The following EVC variants were observed in gnomAD, a reference collection of about 807,000 sequenced individuals.
EVC encodes EvC ciliary complex subunit 1.
In EVC, 116 loss-of-function variants were observed where a neutral mutation model predicts 118.9. The observed-to-expected ratio is 0.98, with a 90% CI of 0.84 to 1.14. The LOEUF (loss-of-function observed/expected upper bound fraction) is 1.14, where lower values mean the gene tolerates loss of function less well. EVC is among the 50% of genes most tolerant of loss of function. The probability of loss-of-function intolerance (pLI) is 0.00; values close to 1 mark genes in which losing one functional copy is unlikely to be tolerated. For synonymous variants in EVC, 619 were observed against 534.7 expected (o/e 1.16, Z -2.18); for missense variants, 1,401 against 1,246.4 (o/e 1.12, Z -1.87).
At chr4:5,741,197 A>G (rs1406584680) in intron 5 of EVC, among the ~76,000 whole-genome samples, 1 of 152,224 alleles carries the variant, frequency 6.6e-6, no homozygotes, top group Non-Finnish European at 1.5e-5. Context: ...TACAGGGGTG[A>G]ATAGATCAAC....
intron 7 of EVC, among the ~76,000 whole-genome samples, chr4:5,747,729 ATAAC>A (rs1560327904): frequency 6.6e-6 from 1 of 152,230 alleles, no homozygotes; most frequent in South Asian, 2.1e-4. Context: ...TTTTAGGACA[ATAAC>A]TAATATTTAA....
At chr4:5,770,156 A>C (rs1054920447) in intron 11 of EVC, among the ~76,000 whole-genome samples, 1 of 152,090 alleles carries the variant, frequency 6.6e-6, no homozygotes, top group Admixed American at 6.5e-5. Context: ...GTGACAAGGC[A>C]CACAGAGTGT....
At chr4:5,728,832 G>C (rs1034238258) in intron 2 of EVC, among the ~76,000 whole-genome samples, 3 of 152,170 alleles carry the variant, frequency 2.0e-5, no homozygotes, top group Non-Finnish European at 2.9e-5. Flanking sequence ...TTGTTAATTA[G>C]TCTTAAGTTA....
At chr4:5,821,655 C>T in the EVC span, 13 of 1,065,066 alleles carry the variant, frequency 1.2e-5, no homozygotes, top group East Asian at 2.6e-5. The surrounding 1 kb of genome is among the most constrained non-coding windows in gnomAD (Gnocchi z 4.4). Context: ...TTCCCCCTCC[C>T]TCCATCAGCA....
At position 5,811,020 on chromosome 4, in the gene EVC, A is replaced by G. The variant is rs777122018; in HGVS notation, c.2962A>G (p.Arg988Gly). The change falls in exon 21 of 21, where the codon AGA becomes GGA. Residue 988 changes from arginine (R) to glycine (G), a missense_variant. Physicochemically the swap from Arg to Gly is moderately radical, Grantham distance 125. Coordinates refer to ENST00000264956, the MANE Select transcript of EVC (RefSeq NM_153717.3). ...TGGGAACTCAAAGAAGATGCTAAAG[A>G]GAAGAAGCAACTTGTAGTTTAAGAC... The part of the protein sequence containing the change: ...DSGNSKKMLK[R>G]RSNL The G allele has an allele frequency of 6.2e-7, 1 of 1,612,256 alleles. No individual in the cohort carries two copies. The highest frequency in any genetic ancestry group is 8.5e-7 in the Non-Finnish European group (1 of 1,179,062).
intron 2 of EVC, among the ~76,000 whole-genome samples, chr4:5,728,065 TG>T (rs1165845893): frequency 6.6e-6 from 1 of 152,056 alleles, no homozygotes; most frequent in Non-Finnish European, 1.5e-5. Flanking sequence ...GGCTCTTTTT[TG>T]GTTCCATATG....
intron 2 of EVC, among the ~76,000 whole-genome samples, chr4:5,727,163 G>A (rs1365672874): frequency 6.6e-6 from 1 of 151,620 alleles, no homozygotes; most frequent in East Asian, 1.9e-4. Flanking sequence ...TTCCACAATG[G>A]TTGAACTAGT....
rs1306245597 is a variant in EVC at position 5,812,047 on chromosome 4, G to A, written c.*1010G>A. The A allele has an allele frequency of 6.0e-6, 1 of 167,560 alleles. No individual in the cohort carries two copies. The highest frequency in any genetic ancestry group is 1.9e-4 in the East Asian group (1 of 5,162). 10.4% of individuals were successfully genotyped at this position (167,560 alleles called of 1,614,324 possible). ...CCAGCCCCTCTCACCACAGCCAGGA[G>A]AGGCCTTTACCACCTGGAGAGAAGC... On this transcript the variant is annotated 3_prime_UTR_variant, in exon 21 of 21. Transcript: ENST00000264956.
At chr4:5,807,037 CT>C (rs1716031707) in intron 17 of EVC, among the ~76,000 whole-genome samples, 1 of 152,158 alleles carries the variant, frequency 6.6e-6, no homozygotes, top group Non-Finnish European at 1.5e-5. Context: ...GGAACTCGGC[CT>C]CCTTTAAGGT....
At chr4:5,748,027 T>C (rs1729631031) in intron 7 of EVC, 121 bp from the exon 8 acceptor site, 4 of 1,106,000 alleles carry the variant, frequency 3.6e-6, no homozygotes, top group Non-Finnish European at 4.1e-6. Context: ...ACTGAAACTG[T>C]AGAATTGTTT....
chr4:5,785,743 G>T (rs1258472763), intron 12 of EVC, among the ~76,000 whole-genome samples: 3 of 152,226 alleles, frequency 2.0e-5, no homozygotes, highest in Non-Finnish European at 4.4e-5. Context: ...TAAATGTTCA[G>T]GAAAACTTGT....
At chr4:5,793,376 A>G in intron 12 of EVC, 4 of 541,060 alleles carry the variant, frequency 7.4e-6, no homozygotes, top group Non-Finnish European at 1.3e-5. Flanking sequence ...AATTTTAGAT[A>G]CTTCAATTTA....
chr4:5,729,528 G>A lies in EVC; in HGVS notation c.384+138G>A. The A allele has an allele frequency of 5.9e-6, 5 of 852,168 alleles. 1 individual carries two copies. The South Asian group carries it at 7.1e-5, about 12-fold the overall frequency. 52.8% of individuals were successfully genotyped at this position (852,168 alleles called of 1,614,324 possible). ...ATGGCAAGTCATTTTAGTAGGGATAGTTTTGAGGCTCAGGAACAGGACATG... is the reference window on the plus strand; with the variant it reads ...ATGGCAAGTCATTTTAGTAGGGATAATTTTGAGGCTCAGGAACAGGACATG... On this transcript the variant is annotated intron_variant, in intron 3 of 20. Coordinates refer to ENST00000264956, the MANE Select transcript of EVC (RefSeq NM_153717.3).
chr4:5,757,462 G>A (rs367855074), intron 11 of EVC, among the ~76,000 whole-genome samples: 5 of 152,232 alleles, frequency 3.3e-5, no homozygotes, highest in South Asian at 2.1e-4. Context: ...TAGGGCTGCC[G>A]TGGTGAATAC....
At chr4:5,809,893 C>T (rs1716608550) in intron 19 of EVC, among the ~76,000 whole-genome samples, 1 of 152,198 alleles carries the variant, frequency 6.6e-6, no homozygotes, top group Non-Finnish European at 1.5e-5. Flanking sequence ...GATAAGCCCT[C>T]CTCCCACCCT....
Position 5,797,074 on chromosome 4 carries a change from C to A in EVC, c.1939C>A (p.Arg647=), listed in dbSNP as rs770276380. 2 of 1,613,528 alleles carry A rather than the reference C, an allele frequency of 1.2e-6. No individual in the cohort carries two copies. The highest frequency in any genetic ancestry group is 2.2e-5 in the South Asian group (2 of 91,082). The part of the protein sequence containing the change: ...GHDLLLRSAL[R]RLALRGNALA... The stretch of plus-strand genomic sequence containing the variant: ...TGACCTGCTGTTGCGCTCAGCCCTC[C>A]GGAGGCTGGCACTCCGCGGCAACGC... Residue 647 remains arginine, a synonymous_variant, in exon 14 of 21, where the codon CGG becomes AGG. Transcript: ENST00000264956.
At chr4:5,782,381 A>G (rs893769687) in intron 11 of EVC, among the ~76,000 whole-genome samples, 5 of 142,154 alleles carry the variant, frequency 3.5e-5, no homozygotes, top group African/African-American at 1.3e-4. Context: ...AGCTATCTGT[A>G]AGGTTCCATT....
At chr4:5,809,736 T>C (rs1716584298) in intron 19 of EVC, 125 bp downstream of exon 19, 1 of 866,390 alleles carries the variant, frequency 1.2e-6, no homozygotes, top group Non-Finnish European at 1.9e-6. Context: ...CTCTGGGCTT[T>C]TGTGACCTTG....
chr4:5,823,524 C>T, the EVC span, among the ~76,000 whole-genome samples: 2 of 152,166 alleles, frequency 1.3e-5, no homozygotes, highest in African/African-American at 4.8e-5. Context: ...GGAGGTGGGG[C>T]CTAATGGGAG....
Sources: allele counts gnomAD v4.1 joint callset (sites outside exome capture counted in the v4.1 genomes callset), GRCh38; gene constraint gnomAD v4.1.1; non-coding constraint Gnocchi (gnomAD v3.1); transcripts MANE v1.5; gene names NCBI Gene and HGNC (gene_info 2026-07-23, HGNC 2026-07-21).